EPM2A: variants seen among roughly 807,000 people sequenced by gnomAD.
EPM2A encodes laforin.
In EPM2A, 21 loss-of-function variants were observed where a neutral mutation model predicts 26.5. The observed-to-expected ratio is 0.79, with a 90% CI of 0.56 to 1.14. EPM2A has a LOEUF of 1.14. EPM2A is among the 50% of genes most tolerant of loss of function. The pLI is 0.00. For missense variants in EPM2A, 458 were observed against 440.8 expected (o/e 1.04, Z -0.35); for synonymous variants, 217 against 177.6 (o/e 1.22, Z -1.76).
At chr6:145,575,233 C>T (rs1781014890) in intron 2 of EPM2A, among the ~76,000 whole-genome samples, 1 of 152,086 alleles carries the variant, frequency 6.6e-6, no homozygotes, top group Non-Finnish European at 1.5e-5. Context: ...AAGCTGTTTA[C>T]TCTGGCAAAA....
chr6:145,728,393 G>T (rs1397458785), intron 1 of EPM2A, among the ~76,000 whole-genome samples: 1 of 152,184 alleles, frequency 6.6e-6, no homozygotes, highest in Admixed American at 6.5e-5. Flanking sequence ...CCAAGATGCT[G>T]ATACTGATAT....
chr6:145,437,279 G>T (rs572292044), intron 4 of EPM2A, among the ~76,000 whole-genome samples: 20 of 151,994 alleles, frequency 1.3e-4, no homozygotes, highest in African/African-American at 4.8e-4. Flanking sequence ...CTTCTCCCAT[G>T]ATTGTAAGTT....
At chr6:145,507,055 CCACACCCAG>C (rs1446741206) in intron 2 of EPM2A, among the ~76,000 whole-genome samples, 1 of 152,124 alleles carries the variant, frequency 6.6e-6, no homozygotes, top group Non-Finnish European at 1.5e-5. Context: ...GCATGGGCCA[CCACACCCAG>C]CCAAGACTGT....
intron 2 of EPM2A, among the ~76,000 whole-genome samples, chr6:145,593,486 C>T (rs947505273): frequency 6.6e-6 from 1 of 152,060 alleles, no homozygotes; most frequent in African/African-American, 2.4e-5. Flanking sequence ...ACAAATTCTT[C>T]TCATATTACA....
intron 2 of EPM2A, chr6:145,637,656 T>C (rs1776796508): frequency 6.6e-6 from 1 of 152,194 alleles, no homozygotes; most frequent in Non-Finnish European, 1.5e-5. Flanking sequence ...TGGATCCAGA[T>C]AATTCTTAGA....
intron 4 of EPM2A, among the ~76,000 whole-genome samples, chr6:145,410,118 A>G (rs896784120): frequency 7.2e-5 from 11 of 152,208 alleles, no homozygotes; most frequent in Non-Finnish European, 1.6e-4. Flanking sequence ...AAATAAAACA[A>G]TAACACAATC....
chr6:145,394,084 A>G (rs539890704), intron 4 of EPM2A, among the ~76,000 whole-genome samples: 55 of 152,024 alleles, frequency 3.6e-4, no homozygotes, highest in Non-Finnish European at 6.6e-4. Flanking sequence ...CACCCTCCCA[A>G]AGTGCTGGGA....
intron 1 of EPM2A, among the ~76,000 whole-genome samples, chr6:145,717,870 T>A (rs181756970): frequency 0.01 from 1,542 of 151,658 alleles, 26 homozygotes; most frequent in African/African-American, 0.035. Flanking sequence ...CATTCACAAT[T>A]CCTTCAAAGA....
intron 2 of EPM2A, among the ~76,000 whole-genome samples, chr6:145,649,437 A>G (rs1777716940): frequency 6.6e-6 from 1 of 152,226 alleles, no homozygotes; most frequent in Non-Finnish European, 1.5e-5. Context: ...CCTATTATGA[A>G]TATTATACCC....
At chr6:145,574,426 G>A (rs183556533) in intron 2 of EPM2A, among the ~76,000 whole-genome samples, 9 of 152,220 alleles carry the variant, frequency 5.9e-5, no homozygotes, top group East Asian at 5.8e-4. Context: ...GCCACCTTGC[G>A]ATCCAATTAT....
intron 4 of EPM2A, among the ~76,000 whole-genome samples, chr6:145,474,729 G>C (rs1002722051): frequency 2.0e-5 from 3 of 152,084 alleles, no homozygotes; most frequent in Non-Finnish European, 4.4e-5. Context: ...ATCTGACAAA[G>C]AGCTAATATC....
intron 2 of EPM2A, among the ~76,000 whole-genome samples, chr6:145,681,958 T>G (rs932155134): frequency 1.3e-5 from 2 of 152,158 alleles, no homozygotes; most frequent in Non-Finnish European, 2.9e-5. Flanking sequence ...CAAAGCATCC[T>G]GGTTGGAGAA....
At chr6:145,490,089 C>T (rs1779735546) in intron 4 of EPM2A, 3 of 1,280,592 alleles carry the variant, frequency 2.3e-6, no homozygotes, top group Admixed American at 2.2e-5. Context: ...AGCACACGCA[C>T]CTTCCCAATT....
intron 2 of EPM2A, among the ~76,000 whole-genome samples, chr6:145,514,696 T>C (rs1255501490): frequency 6.6e-6 from 1 of 152,160 alleles, no homozygotes; most frequent in Non-Finnish European, 1.5e-5. Context: ...CATTTTTCAT[T>C]CTCATAACTA....
At chr6:145,703,249 G>T (rs1328641998) in intron 1 of EPM2A, among the ~76,000 whole-genome samples, 1 of 151,754 alleles carries the variant, frequency 6.6e-6, no homozygotes, top group Non-Finnish European at 1.5e-5. Context: ...CCGCCACCAC[G>T]CCCAGCTAAT....
At chr6:145,411,731 T>A (rs1778645461) in intron 4 of EPM2A, among the ~76,000 whole-genome samples, 1 of 152,164 alleles carries the variant, frequency 6.6e-6, no homozygotes, top group Non-Finnish European at 1.5e-5. Flanking sequence ...ATTTTATATA[T>A]GTTACTTTAT....
chr6:145,387,061 A>C (rs1311698345), intron 4 of EPM2A, among the ~76,000 whole-genome samples: 2 of 152,178 alleles, frequency 1.3e-5, no homozygotes, highest in African/African-American at 4.8e-5. Flanking sequence ...GCCAAACCCA[A>C]GGGAAATATT....
At chr6:145,410,383 G>T (rs575772132) in intron 4 of EPM2A, among the ~76,000 whole-genome samples, 1 of 152,294 alleles carries the variant, frequency 6.6e-6, no homozygotes, top group South Asian at 2.1e-4. Context: ...TGAGAGGTTT[G>T]AGGGCAAATT....
At chr6:145,620,920 T>C (rs1397869416), downstream of EPM2A, among the ~76,000 whole-genome samples, 1 of 152,246 alleles carries the variant, frequency 6.6e-6, no homozygotes, top group Non-Finnish European at 1.5e-5. Flanking sequence ...AACATATCCA[T>C]TATCTCATAT....
Sources: allele counts gnomAD v4.1 joint callset (sites outside exome capture counted in the v4.1 genomes callset), GRCh38; gene constraint gnomAD v4.1.1; transcripts MANE v1.5; gene names NCBI Gene and HGNC (gene_info 2026-07-23, HGNC 2026-07-21).